The following RASA3 variants were observed in gnomAD, a reference collection of about 807,000 sequenced individuals.
The protein encoded by RASA3 is ras GTPase-activating protein 3.
In RASA3, 73 loss-of-function variants were observed where a neutral mutation model predicts 110.0. That is an observed-to-expected ratio of 0.66 (90% CI 0.55 to 0.81). The LOEUF is 0.81. RASA3 is among the 30% of genes least tolerant of loss of function. The pLI, the probability that RASA3 is intolerant of heterozygous loss-of-function variation, is 0.00. For synonymous variants in RASA3, 500 were observed against 451.4 expected (o/e 1.11, Z -1.37); for missense variants, 976 against 1,113.2 (o/e 0.88, Z 1.75).
At chr13:114,131,734 ACG>A (rs1010471251) in intron 1 of RASA3, among the ~76,000 whole-genome samples, 12 of 151,078 alleles carry the variant, frequency 7.9e-5, no homozygotes, top group Non-Finnish European at 1.6e-4. Context: ...ACACACACAA[ACG>A]CGCGCACACA....
chr13:114,108,702 C>T (rs762637160), intron 1 of RASA3: 4 of 152,086 alleles, frequency 2.6e-5, no homozygotes, highest in Non-Finnish European at 5.9e-5. Context: ...GGAGCAGGGA[C>T]CCACGGAGGG....
intron 1 of RASA3, among the ~76,000 whole-genome samples, chr13:114,105,307 C>T (rs1456549684): frequency 6.6e-6 from 1 of 152,124 alleles, no homozygotes; most frequent in African/African-American, 2.4e-5. Context: ...GCCATGGACC[C>T]TGCACTGAGG....
chr13:114,104,812 G>A (rs931988178), intron 1 of RASA3, among the ~76,000 whole-genome samples: 10 of 151,936 alleles, frequency 6.6e-5, no homozygotes, highest in South Asian at 4.2e-4. Flanking sequence ...GGGGGCTACC[G>A]CCTCCCCAGC....
At chr13:114,098,695 C>T (rs997208573) in intron 1 of RASA3, among the ~76,000 whole-genome samples, 61 of 152,074 alleles carry the variant, frequency 4.0e-4, no homozygotes, top group Admixed American at 6.5e-4. Flanking sequence ...GAGACCAGCC[C>T]AGACCCAGGG....
intron 2 of RASA3, among the ~76,000 whole-genome samples, chr13:114,052,795 G>A (rs573112446): frequency 7.5e-6 from 1 of 132,666 alleles, no homozygotes; most frequent in South Asian, 2.4e-4. Context: ...GCTGCTGACT[G>A]TACTTAGAGT....
At chr13:114,066,929 AACCTGGGCTGAGGACGGGCCTCCCC>A (rs2079462492) in intron 2 of RASA3, among the ~76,000 whole-genome samples, 2 of 134,772 alleles carry the variant, frequency 1.5e-5, no homozygotes, top group African/African-American at 5.6e-5. Context: ...GGATGGGCCC[AACCTGGGCTGAGGACGGGCCTCCCC>A]ACCTGGGCTG....
chr13:114,034,941 C>T (rs2054252134), intron 4 of RASA3, among the ~76,000 whole-genome samples: 1 of 150,872 alleles, frequency 6.6e-6, no homozygotes, highest in South Asian at 2.1e-4. Flanking sequence ...CTGACCTGAG[C>T]TTAGAGCAGA....
Position 114,057,168 on chromosome 13 carries a change from T to C in RASA3, c.174-5013A>G. 3.1e-6 allele frequency: 3 copies of C among 974,730 alleles called. No homozygotes were observed. The highest frequency in any genetic ancestry group is 3.7e-6 in the Non-Finnish European group (3 of 820,202). The allele number at this position is 974,730 out of a possible 1,614,324, so 60.4% of individuals were successfully genotyped here. On this transcript the variant is annotated intron_variant, in intron 2 of 23. Coordinates refer to ENST00000334062, the MANE Select transcript of RASA3 (RefSeq NM_007368.4). This position sits in a 1 kb window ranked among gnomAD's most constrained non-coding sequence, Gnocchi z 5.0. ...TTATTCTAGTGGTTCCAATTGCCTA[T>C]TTTAATGTTTTTCTTCTTATTTCAT...
At chr13:114,005,119 C>T (rs561843387) in intron 18 of RASA3, among the ~76,000 whole-genome samples, 5 of 152,238 alleles carry the variant, frequency 3.3e-5, no homozygotes, top group Admixed American at 6.5e-5. Flanking sequence ...ACTGAGGCCT[C>T]GGAAGGGTGG....
At chr13:114,002,604 A>G (rs2053430860) in intron 18 of RASA3, among the ~76,000 whole-genome samples, 1 of 152,230 alleles carries the variant, frequency 6.6e-6, no homozygotes, top group Non-Finnish European at 1.5e-5. Flanking sequence ...CAGTCTTGTT[A>G]TAAATGTTTT....
intron 12 of RASA3, among the ~76,000 whole-genome samples, chr13:114,016,560 G>C (rs974923352): frequency 6.6e-6 from 1 of 152,196 alleles, no homozygotes; most frequent in Non-Finnish European, 1.5e-5. Context: ...CACTAGGCAC[G>C]GGGCCCAGTC....
rs374073603 is a variant in RASA3, at chr13:114,049,929, C to T, written c.277+2123G>A. On this transcript the variant is annotated intron_variant, in intron 3 of 23. Coordinates refer to ENST00000334062, the MANE Select transcript of RASA3 (RefSeq NM_007368.4). ...CACGGAGGGCAGCCCACCCATGCCG[C>T]GGGGTCGGAGGCCATCTCCTGCAGC... 2.0e-5 allele frequency among the ~76,000 whole-genome samples: 3 copies of T among 152,330 alleles called. 1 individual carries two copies. Among genetic ancestry groups the T allele is most frequent in the South Asian group, 4.1e-4 (2 of 4,826 alleles).
At chr13:114,064,651 G>A (rs1011957092) in intron 2 of RASA3, among the ~76,000 whole-genome samples, 64 of 152,188 alleles carry the variant, frequency 4.2e-4, no homozygotes, top group Non-Finnish European at 5.1e-4. Flanking sequence ...CATCCTGTTC[G>A]GTGGCCTGTG....
intron 4 of RASA3, 137 bp from the exon 5 acceptor site, chr13:114,030,024 C>T (rs1217119750): frequency 1.1e-5 from 8 of 718,800 alleles, no homozygotes; most frequent in Non-Finnish European, 1.9e-5. Context: ...GCACGTCCAG[C>T]CCCTCCACTC....
intron 3 of RASA3, among the ~76,000 whole-genome samples, chr13:114,042,649 C>T (rs1007314856): frequency 1.3e-5 from 2 of 152,258 alleles, no homozygotes; most frequent in Non-Finnish European, 2.9e-5. Context: ...CTGCCTCACG[C>T]CAGGACAGCG....
At chr13:114,043,837 G>GCCCCCCCCCCCCCCCCCCCCCCCCT (rs544129523) in intron 3 of RASA3, among the ~76,000 whole-genome samples, 7 of 22,826 alleles carry the variant, frequency 3.1e-4, no homozygotes, top group Admixed American at 5.9e-4. Flanking sequence ...CACTCGCTGA[G>GCCCCCCCCCCCCCCCCCCCCCCCCT]CCCCCCGCCC....
chr13:114,061,281 G>A (rs1455332087), intron 2 of RASA3, among the ~76,000 whole-genome samples: 1 of 152,092 alleles, frequency 6.6e-6, no homozygotes, highest in African/African-American at 2.4e-5. Context: ...TGATGCGTGG[G>A]GCTTGGGTTC....
At chr13:114,118,005 G>A (rs2080318774) in intron 1 of RASA3, among the ~76,000 whole-genome samples, 1 of 151,622 alleles carries the variant, frequency 6.6e-6, no homozygotes, top group Admixed American at 6.6e-5. Flanking sequence ...CCGTGTGCAC[G>A]TGTGCACACC....
At position 114,069,423 on chromosome 13, in the gene RASA3, C is replaced by T. The variant is rs189950178; in HGVS notation, c.173+4297G>A. 3.6e-3 allele frequency among the ~76,000 whole-genome samples: 369 copies of T among 101,122 alleles called. 2 individuals are homozygous for T. The highest frequency in any genetic ancestry group is 0.013 in the African/African-American group (322 of 24,682). The allele number at this position is 101,122 out of a possible 152,430, so 66.3% of individuals were successfully genotyped here. On this transcript the variant is annotated intron_variant, in intron 2 of 23. Transcript: ENST00000334062. ...TGACACTGACCTTGGAGGAAGCACA[C>T]GGGGGGCTGGGAGACTCAGGGACCG...
Sources: allele counts gnomAD v4.1 joint callset (sites outside exome capture counted in the v4.1 genomes callset), GRCh38; gene constraint gnomAD v4.1.1; non-coding constraint Gnocchi (gnomAD v3.1); transcripts MANE v1.5; gene names NCBI Gene and HGNC (gene_info 2026-07-23, HGNC 2026-07-21).